Variants in DROSHA observed in about 807,000 individuals in gnomAD.
The protein encoded by DROSHA is drosha ribonuclease III, also known as ribonuclease 3.
DROSHA carries 56 observed loss-of-function variants against 181.9 expected under a neutral mutation model. That is an observed-to-expected ratio of 0.31 (90% CI 0.25 to 0.38). DROSHA has a LOEUF of 0.38. Ranked by LOEUF, DROSHA falls within the 10% of genes least tolerant of loss-of-function variation. DROSHA has a pLI of 1.00. For missense variants in DROSHA, 1,218 were observed against 1,743.5 expected (o/e 0.70, Z 5.37); for synonymous variants, 524 against 591.2 (o/e 0.89, Z 1.65).
chr5:31,519,701 A>T (rs1316470994), intron 6 of DROSHA, among the ~76,000 whole-genome samples: 1 of 152,192 alleles, frequency 6.6e-6, no homozygotes, highest in Non-Finnish European at 1.5e-5. Flanking sequence ...ACCATTCTTC[A>T]TCATGTTAAA....
At chr5:31,438,481 G>T (rs190500361) in intron 23 of DROSHA, among the ~76,000 whole-genome samples, 234 of 152,318 alleles carry the variant, frequency 1.5e-3, no homozygotes, top group African/African-American at 5.1e-3. Flanking sequence ...CTAAGTGAAA[G>T]AAAAGAATGA....
chr5:31,472,247 G>C lies in DROSHA; in HGVS notation c.2072-15C>G. On this transcript the variant is annotated splice_polypyrimidine_tract_variant and intron_variant, in intron 16 of 35. Coordinates refer to ENST00000344624, the MANE Select transcript of DROSHA (RefSeq NM_001382508.1). Reference sequence around the variant, plus strand: ...CTTTCCTCCATCTTGGGTGGGAATGGGAGTGGAGAGAAGGGGAAAAATAAG... The same window carrying C: ...CTTTCCTCCATCTTGGGTGGGAATGCGAGTGGAGAGAAGGGGAAAAATAAG... 2 of 1,581,716 alleles carry C rather than the reference G, an allele frequency of 1.3e-6. No homozygotes were observed. The highest frequency in any genetic ancestry group is 1.2e-5 in the South Asian group (1 of 85,872).
intron 20 of DROSHA, among the ~76,000 whole-genome samples, chr5:31,457,509 A>T (rs1157048631): frequency 6.6e-6 from 1 of 152,158 alleles, no homozygotes; most frequent in African/African-American, 2.4e-5. Context: ...TAGAAGTTAG[A>T]CTTAAAAAAA....
At chr5:31,440,669 C>T (rs1745469509) in intron 23 of DROSHA, among the ~76,000 whole-genome samples, 1 of 152,126 alleles carries the variant, frequency 6.6e-6, no homozygotes. Flanking sequence ...ACCCAAAATC[C>T]AAAGTGTTCC....
At chr5:31,529,734 C>CAAAA (rs70955715) in intron 3 of DROSHA, among the ~76,000 whole-genome samples, 51 of 91,300 alleles carry the variant, frequency 5.6e-4, no homozygotes, top group African/African-American at 1.9e-3. Flanking sequence ...AAAAAACAAA[C>CAAAA]AAAAAAAAAA....
intron 30 of DROSHA, among the ~76,000 whole-genome samples, chr5:31,413,993 A>C (rs1394397924): frequency 6.6e-6 from 1 of 152,206 alleles, no homozygotes; most frequent in Non-Finnish European, 1.5e-5. Flanking sequence ...CAGTGAGAGA[A>C]GGGTGGGAAA....
chr5:31,454,034 A>G (rs990378484), intron 20 of DROSHA, among the ~76,000 whole-genome samples: 1 of 152,070 alleles, frequency 6.6e-6, no homozygotes, highest in Non-Finnish European at 1.5e-5. Flanking sequence ...ATGACAAGGC[A>G]CCCTCTTGAG....
intron 10 of DROSHA, among the ~76,000 whole-genome samples, chr5:31,506,362 C>CAA (rs35198823): frequency 0.53 from 64,814 of 123,420 alleles, 18,085 homozygotes; most frequent in Non-Finnish European, 0.66. Flanking sequence ...GACCCCGTCT[C>CAA]AAAAAAAAAA....
At chr5:31,500,268 G>T (rs1753444894) in intron 11 of DROSHA, among the ~76,000 whole-genome samples, 1 of 152,206 alleles carries the variant, frequency 6.6e-6, no homozygotes, top group African/African-American at 2.4e-5. Context: ...CAAAAGAATT[G>T]CAGGAACTAA....
chr5:31,422,860 C>A lies in DROSHA; in HGVS notation c.3346G>T (p.Val1116Leu). The A allele has an allele frequency of 1.2e-6, 2 of 1,613,472 alleles. No individual in the cohort carries two copies. Among genetic ancestry groups the A allele is most frequent in the Non-Finnish European group, 1.7e-6 (2 of 1,179,716 alleles). The change falls in exon 29 of 36, where the codon GTA becomes TTA. Residue 1116 changes from valine to leucine, a missense_variant. Val to Leu is a conservative substitution (Grantham distance 32). This residue lies in a region of DROSHA where 71 missense variants were observed against 95.2 expected (regional missense o/e 0.75). Transcript: ENST00000344624. ...AGAAGTCGAACATGAGTAAAAATTA[C>A]TCCAATTGCTTCTTCAAACTCAGTA... Reference protein sequence around the residue: ...KLTEFEEAIGVIFTHVRLLAR... With the variant: ...KLTEFEEAIGLIFTHVRLLAR...
rs778322623 is a variant in DROSHA, at chr5:31,526,188, G to A, written c.745C>T (p.Arg249Trp). The A allele has an allele frequency of 1.3e-5, 21 of 1,613,666 alleles. No individual in the cohort carries two copies. The highest frequency in any genetic ancestry group is 6.6e-5 in the South Asian group (6 of 91,038). ...TCGGGACTGCGGCCTCGCTCCCGCC[G>A]ATCCAGGGACCGATGCCTCTCACCT... ...GRGERHRSLDRRERGRSPDRR... is the reference protein window; with the variant it reads ...GRGERHRSLDWRERGRSPDRR... The change falls in exon 5 of 36, where the codon CGG (arginine) becomes TGG (tryptophan). Residue 249 changes from arginine (R) to tryptophan (W), a missense_variant. This residue lies in a region of DROSHA where 536 missense variants were observed against 535.4 expected (regional missense o/e 1.00). Transcript: ENST00000344624.
At chr5:31,523,819 A>G (rs1740182593) in intron 5 of DROSHA, among the ~76,000 whole-genome samples, 2 of 151,978 alleles carry the variant, frequency 1.3e-5, no homozygotes, top group South Asian at 4.2e-4. Context: ...TACTAAAAAT[A>G]CAAAAATTAG....
intron 19 of DROSHA, 89 bp downstream of exon 19, chr5:31,466,093 G>A: frequency 7.7e-7 from 1 of 1,295,966 alleles, no homozygotes; most frequent in African/African-American, 1.5e-5. Flanking sequence ...TTTCCATCTT[G>A]TACCAGAAGT....
chr5:31,475,346 A>T (rs1750244883), intron 16 of DROSHA, among the ~76,000 whole-genome samples: 1 of 152,084 alleles, frequency 6.6e-6, no homozygotes. Context: ...ATAAAAACAC[A>T]TTCCAATCCA....
intron 10 of DROSHA, among the ~76,000 whole-genome samples, chr5:31,507,251 G>A (rs1281499658): frequency 6.6e-6 from 1 of 151,984 alleles, no homozygotes; most frequent in East Asian, 1.9e-4. Flanking sequence ...ACCTGAGGTC[G>A]GGAGTTCGAG....
At chr5:31,415,442 C>T (rs1006763788) in intron 30 of DROSHA, among the ~76,000 whole-genome samples, 3 of 152,292 alleles carry the variant, frequency 2.0e-5, no homozygotes, top group African/African-American at 7.2e-5. Context: ...CAAATTATGT[C>T]AGTGACAGAA....
chr5:31,461,797 C>G (rs2150022891), intron 20 of DROSHA, among the ~76,000 whole-genome samples: 1 of 150,914 alleles, frequency 6.6e-6, no homozygotes, highest in African/African-American at 2.4e-5. Context: ...CTAGGTTGCT[C>G]CCGTGTCATG....
intron 29 of DROSHA, chr5:31,421,932 G>GTGTGTGTGTGTGTGTGTGTGTGTA (rs1554020895): frequency 6.4e-5 from 7 of 108,528 alleles, no homozygotes; most frequent in African/African-American, 3.2e-4. Context: ...GTGTGTGTGT[G>GTGTGTGTGTGTGTGTGTGTGTGTA]TATATAAATT....
chr5:31,504,740 GCT>G, intron 10 of DROSHA, 105 bp from the exon 11 acceptor site: 1 of 1,081,012 alleles, frequency 9.3e-7, no homozygotes. Context: ...GAGCGCTGAA[GCT>G]CTGAGAGGCT....
Sources: gnomAD v4.1 joint callset for allele counts (sites outside exome capture counted in the v4.1 genomes callset) on GRCh38, gnomAD v4.1.1 for gene constraint, gnomAD v4.1.1 regional missense constraint, MANE v1.5 for transcripts, NCBI Gene and HGNC (gene_info 2026-07-23, HGNC 2026-07-21) for gene names.